Variants in KCNQ1 observed in about 807,000 individuals in gnomAD.
KCNQ1 encodes the protein potassium voltage-gated channel subfamily Q member 1.
A neutral mutation model predicts 72.4 loss-of-function variants in KCNQ1; 49 were observed. The ratio of observed to expected loss-of-function variants is 0.68; its 90% CI spans 0.54 to 0.86. The LOEUF (loss-of-function observed/expected upper bound fraction) is 0.86, where lower values mean the gene tolerates loss of function less well. KCNQ1 is among the 40% of genes least tolerant of loss of function. The pLI, the probability that KCNQ1 is intolerant of heterozygous loss-of-function variation, is 0.00. For missense variants in KCNQ1, 790 were observed against 945.1 expected (o/e 0.84, Z 2.15); for synonymous variants, 450 against 412.6 (o/e 1.09, Z -1.10).
In KCNQ1 at chr11:2,484,015, CTA is replaced by C. The variant is rs1010358424; in HGVS notation, c.386+38533_386+38534del. ...GATTTGTTTATTTCCCACTTTCTTT[CTA>C]TGTTTGTTAATTTGGATTCTTCTCC... On this transcript the variant is annotated intron_variant, in intron 1 of 15. Coordinates refer to ENST00000155840, the MANE Select transcript of KCNQ1 (RefSeq NM_000218.3). The surrounding 1 kb of genome is among the most constrained non-coding windows in gnomAD (Gnocchi z 5.2). 4.6e-5 allele frequency among the ~76,000 whole-genome samples: 7 copies of C among 152,084 alleles called. No individual in the cohort carries two copies. Among genetic ancestry groups the C allele is most frequent in the Non-Finnish European group, 1.0e-4 (7 of 68,028 alleles).
rs11828659 is a variant in KCNQ1, at chr11:2,588,412, T to C, written c.1252-301T>C. ...CCCGATATGCATTCTCCCCTACTGGTCACAGCCCCTGTTACCACCTCCACT... is the reference window on the plus strand; with the variant it reads ...CCCGATATGCATTCTCCCCTACTGGCCACAGCCCCTGTTACCACCTCCACT... On this transcript the variant is annotated intron_variant, in intron 9 of 15. Transcript: ENST00000155840. This position sits in a 1 kb window ranked among gnomAD's most constrained non-coding sequence, Gnocchi z 5.6. 0.074 allele frequency among the ~76,000 whole-genome samples: 11,196 copies of C among 152,204 alleles called. 1,354 individuals are homozygous for C. Among genetic ancestry groups the C allele is most frequent in the African/African-American group, 0.25 (10,510 of 41,482 alleles).
Position 2,662,956 on chromosome 11 carries a change from G to A in KCNQ1, c.1514+875G>A, listed in dbSNP as rs1849995363. 1.0e-5 allele frequency: 4 copies of A among 398,582 alleles called. No homozygotes were observed. In the South Asian group the frequency reaches 3.8e-4, roughly 38 times the overall value. The allele number at this position is 398,582 out of a possible 1,614,324, so 24.7% of individuals were successfully genotyped here. A position where few individuals can be genotyped will look rare whatever the true frequency, so the allele number is the denominator to read the frequency against. On this transcript the variant is annotated intron_variant, in intron 11 of 15. Coordinates refer to ENST00000155840, the MANE Select transcript of KCNQ1 (RefSeq NM_000218.3). Reference sequence around the variant, plus strand: ...TGTCTTTGTCGTAGTGAGGCCCTGGGCCTCCTGCCTTTGCAGCCAGCCAGG... The same window carrying A: ...TGTCTTTGTCGTAGTGAGGCCCTGGACCTCCTGCCTTTGCAGCCAGCCAGG...
At chr11:2,505,581 A>G (rs1234415278) in intron 1 of KCNQ1, among the ~76,000 whole-genome samples, 1 of 152,216 alleles carries the variant, frequency 6.6e-6, no homozygotes, top group Non-Finnish European at 1.5e-5. Context: ...GTCTCTCACC[A>G]TCATTGTAGA....
chr11:2,670,588 C>T lies in KCNQ1; in HGVS notation c.1514+8507C>T, dbSNP rs1310100482. On this transcript the variant is annotated intron_variant, in intron 11 of 15. Transcript: ENST00000155840. The surrounding 1 kb of genome is among the most constrained non-coding windows in gnomAD (Gnocchi z 4.9). The stretch of plus-strand genomic sequence containing the variant: ...TGGGAGATAGGAGCAGAAGCCAGGG[C>T]TCATTCCCAGACACACAATCTCTGG... 2 of 398,232 alleles carry T rather than the reference C, an allele frequency of 5.0e-6. No homozygotes were observed. The highest frequency in any genetic ancestry group is 4.4e-6 in the Non-Finnish European group (1 of 226,018). The allele number at this position is 398,232 out of a possible 1,614,324, so 24.7% of individuals were successfully genotyped here.
rs1851018116 is a variant in KCNQ1 at position 2,712,159 on chromosome 11, C to T, written c.1514+50078C>T. On this transcript the variant is annotated intron_variant, in intron 11 of 15. Coordinates refer to ENST00000155840, the MANE Select transcript of KCNQ1 (RefSeq NM_000218.3). The surrounding 1 kb of genome is among the most constrained non-coding windows in gnomAD (Gnocchi z 6.4). Reference sequence around the variant, plus strand: ...AAACCTGAGTGGGGTTTTGTGCTTGCATCTCATTTAAGCCATGAACACTTG... The same window carrying T: ...AAACCTGAGTGGGGTTTTGTGCTTGTATCTCATTTAAGCCATGAACACTTG... Among the ~76,000 whole-genome samples, 1 of 152,152 alleles carries T rather than the reference C, an allele frequency of 6.6e-6. No individual in the cohort carries two copies. The highest frequency in any genetic ancestry group is 6.5e-5 in the Admixed American group (1 of 15,282).
chr11:2,834,719 G>C (rs760059411), intron 15 of KCNQ1, among the ~76,000 whole-genome samples: 3 of 152,232 alleles, frequency 2.0e-5, no homozygotes, highest in African/African-American at 7.2e-5. Flanking sequence ...ATGTCTGAGA[G>C]TTGGGGAGAC....
At chr11:2,694,428 C>T (rs1850639526) in intron 11 of KCNQ1, 1 of 398,504 alleles carries the variant, frequency 2.5e-6, no homozygotes, top group African/African-American at 2.1e-5. Context: ...AGGCAGGGTG[C>T]TAAACATCTT....
chr11:2,701,299 T>A (rs965603654), intron 11 of KCNQ1, among the ~76,000 whole-genome samples: 1 of 152,184 alleles, frequency 6.6e-6, no homozygotes, highest in Non-Finnish European at 1.5e-5. Flanking sequence ...TTTCAGGCCT[T>A]CAGCAACGAC....
At chr11:2,696,008 G>C (rs1201200145) in intron 11 of KCNQ1, 5 of 398,474 alleles carry the variant, frequency 1.3e-5, no homozygotes, top group Non-Finnish European at 2.2e-5. Context: ...TTACATTCAT[G>C]AGTGTAAAAG....
chr11:2,777,522 G>T, intron 14 of KCNQ1: 1 of 536,010 alleles, frequency 1.9e-6, no homozygotes, highest in Non-Finnish European at 3.3e-6. Flanking sequence ...GAGTCATTCC[G>T]GGGAATGACA....
chr11:2,714,563 G>A (rs1851057849), intron 11 of KCNQ1, among the ~76,000 whole-genome samples: 1 of 152,000 alleles, frequency 6.6e-6, no homozygotes, highest in African/African-American at 2.4e-5. Flanking sequence ...CACAGCTGCA[G>A]GGAGTGTTGG....
At chr11:2,688,276 T>C in intron 11 of KCNQ1, 1 of 398,736 alleles carries the variant, frequency 2.5e-6, no homozygotes, top group South Asian at 1.3e-4. Context: ...ATGACCTCTG[T>C]TTAGACAAGG....
intron 2 of KCNQ1, among the ~76,000 whole-genome samples, chr11:2,569,354 T>C (rs1239099700): frequency 6.6e-6 from 1 of 152,220 alleles, no homozygotes; most frequent in Non-Finnish European, 1.5e-5. Flanking sequence ...CCCAAACACA[T>C]GCCGGATGGT....
intron 1 of KCNQ1, among the ~76,000 whole-genome samples, chr11:2,448,378 T>C (rs1346683207): frequency 6.6e-6 from 1 of 152,218 alleles, no homozygotes; most frequent in Non-Finnish European, 1.5e-5. Context: ...GGCAGAACCC[T>C]CGCGGGTGCG....
chr11:2,749,921 C>T (rs1475037154), intron 11 of KCNQ1, among the ~76,000 whole-genome samples: 1 of 151,396 alleles, frequency 6.6e-6, no homozygotes, highest in Admixed American at 6.6e-5. Flanking sequence ...GATCATGCCA[C>T]TGCACTCCAG....
In KCNQ1 at chr11:2,544,385, CAT is replaced by C. The variant is rs1847875775; in HGVS notation, c.477+16372_477+16373del. ...ATATATATGTGTATATATATGTGTGCATATATGTGTATATATGTGTGTGTATA... is the reference window on the plus strand; with the variant it reads ...ATATATATGTGTATATATATGTGTGCATATGTGTATATATGTGTGTGTATA... On this transcript the variant is annotated intron_variant, in intron 2 of 15. Transcript: ENST00000155840. The surrounding 1 kb of genome is among the most constrained non-coding windows in gnomAD (Gnocchi z 4.4). Among the ~76,000 whole-genome samples, 1 of 113,496 alleles carries C rather than the reference CAT, an allele frequency of 8.8e-6. No individual in the cohort carries two copies. Among genetic ancestry groups the C allele is most frequent in the South Asian group, 2.9e-4 (1 of 3,422 alleles). 74.5% of individuals were successfully genotyped at this position (113,496 alleles called of 152,430 possible).
chr11:2,804,219 T>C (rs998759948), intron 15 of KCNQ1, among the ~76,000 whole-genome samples: 3 of 152,150 alleles, frequency 2.0e-5, no homozygotes, highest in Non-Finnish European at 4.4e-5. Flanking sequence ...ACACCACCCA[T>C]GCCACGTGCC....
rs1847728999 is a variant in KCNQ1, at chr11:2,536,187, G to GA, written c.477+8169_477+8170insA. ...GGAGCTCAGGCTCAGGGCAGCAGGG[G>GA]CGCTCAGCTGGGCCGCGGCTCCACG... On this transcript the variant is annotated intron_variant, in intron 2 of 15. Transcript: ENST00000155840. The surrounding 1 kb of genome is among the most constrained non-coding windows in gnomAD (Gnocchi z 7.4). Among the ~76,000 whole-genome samples the GA allele has an allele frequency of 6.6e-6, 1 of 152,238 alleles. No individual in the cohort carries two copies. Among genetic ancestry groups the GA allele is most frequent in the Admixed American group, 6.5e-5 (1 of 15,290 alleles).
In KCNQ1 at chr11:2,695,583, C is replaced by A; in HGVS notation, c.1514+33502C>A. 2.5e-6 allele frequency: 1 copy of A among 398,610 alleles called. No individual in the cohort carries two copies. The highest frequency in any genetic ancestry group is 4.4e-6 in the Non-Finnish European group (1 of 226,074). The allele number at this position is 398,610 out of a possible 1,614,324, so 24.7% of individuals were successfully genotyped here. On this transcript the variant is annotated intron_variant, in intron 11 of 15. Transcript: ENST00000155840. The surrounding 1 kb of genome is among the most constrained non-coding windows in gnomAD (Gnocchi z 5.2). ...CTGAGCATGCACACACACAGCCTCT[C>A]GTTGTTCTGGGTGAGAACTGCTCCA...
Sources: allele counts gnomAD v4.1 joint callset (sites outside exome capture counted in the v4.1 genomes callset), GRCh38; gene constraint gnomAD v4.1.1; non-coding constraint Gnocchi (gnomAD v3.1); transcripts MANE v1.5; gene names NCBI Gene and HGNC (gene_info 2026-07-23, HGNC 2026-07-21).